The following PRKCA variants were observed in gnomAD, a reference collection of about 807,000 sequenced individuals.
PRKCA encodes protein kinase C alpha, also known as protein kinase C alpha type.
In PRKCA, 27 loss-of-function variants were observed where a neutral mutation model predicts 87.0. The ratio of observed to expected loss-of-function variants is 0.31; its 90% CI spans 0.23 to 0.43. The LOEUF is 0.43. Ranked by LOEUF, PRKCA falls within the 20% of genes least tolerant of loss-of-function variation. The pLI is 1.00. For synonymous variants in PRKCA, 329 were observed against 311.1 expected (o/e 1.06, Z -0.61); for missense variants, 518 against 852.3 (o/e 0.61, Z 4.88).
intron 3 of PRKCA, among the ~76,000 whole-genome samples, chr17:66,595,481 A>ATTTTTTTTTTT (rs1969947107): frequency 1.7e-4 from 8 of 47,982 alleles, no homozygotes; most frequent in Admixed American, 1.2e-3. Context: ...TTTTTTTTTG[A>ATTTTTTTTTTT]GACAGTCTTG....
At chr17:66,554,790 T>C (rs1598764459) in intron 3 of PRKCA, among the ~76,000 whole-genome samples, 1 of 152,318 alleles carries the variant, frequency 6.6e-6, no homozygotes, top group East Asian at 1.9e-4. Flanking sequence ...GTTGGGATTA[T>C]CTGTTGCCTC....
chr17:66,517,887 T>G (rs1319962446), intron 3 of PRKCA, among the ~76,000 whole-genome samples: 2 of 152,224 alleles, frequency 1.3e-5, no homozygotes, highest in African/African-American at 2.4e-5. Flanking sequence ...TCTGTGTTGA[T>G]GACCATAACG....
chr17:66,730,826 C>G (rs961302736), intron 8 of PRKCA, among the ~76,000 whole-genome samples: 2 of 152,186 alleles, frequency 1.3e-5, no homozygotes, highest in Non-Finnish European at 2.9e-5. Context: ...CAAGAGAGCA[C>G]AAGGGGGCTC....
chr17:66,503,563 C>T (rs920372761), intron 3 of PRKCA, among the ~76,000 whole-genome samples: 2 of 152,170 alleles, frequency 1.3e-5, no homozygotes, highest in Non-Finnish European at 2.9e-5. Flanking sequence ...AAGCTAAAAA[C>T]GGAACCTATT....
intron 16 of PRKCA, among the ~76,000 whole-genome samples, chr17:66,790,568 G>A (rs9913128): frequency 0.084 from 12,787 of 151,950 alleles, 792 homozygotes; most frequent in East Asian, 0.18. Flanking sequence ...TTTATTTGTT[G>A]TCTTAAAATA....
At chr17:66,646,456 G>A (rs1308249403) in intron 5 of PRKCA, among the ~76,000 whole-genome samples, 1 of 208 alleles carries the variant, frequency 4.8e-3, no homozygotes, top group Non-Finnish European at 0.013. Flanking sequence ...CTATTTCCTT[G>A]CACTTGGGGT....
chr17:66,459,244 G>A (rs191178285), intron 2 of PRKCA, among the ~76,000 whole-genome samples: 2 of 151,968 alleles, frequency 1.3e-5, no homozygotes, highest in East Asian at 3.9e-4. Flanking sequence ...AGCTGGAGGT[G>A]GTGGTACACA....
intron 3 of PRKCA, among the ~76,000 whole-genome samples, chr17:66,605,294 A>AC (rs1567926602): frequency 6.6e-6 from 1 of 152,188 alleles, no homozygotes; most frequent in Non-Finnish European, 1.5e-5. Flanking sequence ...TCATAAGTGG[A>AC]CCCATGAGAC....
intron 5 of PRKCA, chr17:66,677,161 C>A (rs1972359741): frequency 6.6e-6 from 1 of 151,176 alleles, no homozygotes; most frequent in Non-Finnish European, 1.5e-5. Flanking sequence ...CTCACTGAAA[C>A]CTCTGGCTCC....
intron 3 of PRKCA, among the ~76,000 whole-genome samples, chr17:66,535,197 G>C (rs1967731967): frequency 6.6e-6 from 1 of 152,178 alleles, no homozygotes; most frequent in Admixed American, 6.5e-5. Flanking sequence ...CCTGCGTTGT[G>C]ATTTGTGAAT....
chr17:66,518,014 G>C (rs1046642116), intron 3 of PRKCA, among the ~76,000 whole-genome samples: 1 of 151,914 alleles, frequency 6.6e-6, no homozygotes, highest in Non-Finnish European at 1.5e-5. Flanking sequence ...AAATAACTTG[G>C]TACACATGTA....
At chr17:66,587,586 T>C (rs1230629980) in intron 3 of PRKCA, among the ~76,000 whole-genome samples, 1 of 151,554 alleles carries the variant, frequency 6.6e-6, no homozygotes, top group East Asian at 1.9e-4. Flanking sequence ...TATAGATAGA[T>C]AGACAGATAG....
At chr17:66,477,206 C>T (rs542467114) in intron 2 of PRKCA, among the ~76,000 whole-genome samples, 5 of 152,098 alleles carry the variant, frequency 3.3e-5, no homozygotes, top group African/African-American at 9.6e-5. Context: ...TAGCACAAAG[C>T]GAAACCCACA....
At chr17:66,341,875 G>A (rs189780997) in intron 2 of PRKCA, among the ~76,000 whole-genome samples, 11 of 152,270 alleles carry the variant, frequency 7.2e-5, no homozygotes, top group African/African-American at 2.6e-4. Flanking sequence ...TTATAAAATT[G>A]TGATAAAGAT....
chr17:66,362,820 G>A (rs1908474088), intron 2 of PRKCA, among the ~76,000 whole-genome samples: 2 of 151,998 alleles, frequency 1.3e-5, no homozygotes, highest in African/African-American at 2.4e-5. Context: ...TCAGTCAGCC[G>A]AGTAGTTGGG....
chr17:66,520,116 A>G (rs1469839002), intron 3 of PRKCA, among the ~76,000 whole-genome samples: 12 of 144,320 alleles, frequency 8.3e-5, no homozygotes, highest in Non-Finnish European at 1.8e-4. Context: ...CATGCCATCC[A>G]CACTAATAAT....
intron 5 of PRKCA, among the ~76,000 whole-genome samples, chr17:66,681,010 C>T (rs111531477): frequency 0.031 from 4,684 of 152,272 alleles, 224 homozygotes; most frequent in African/African-American, 0.1. Flanking sequence ...GGGTGGATCA[C>T]TTGAGGTCGG....
At chr17:66,438,881 C>A (rs1367776129) in intron 2 of PRKCA, among the ~76,000 whole-genome samples, 4 of 152,262 alleles carry the variant, frequency 2.6e-5, no homozygotes, top group African/African-American at 9.6e-5. Context: ...ATTATCTCTG[C>A]CTAGTCCCTC....
chr17:66,461,314 A>G (rs1718604213), intron 2 of PRKCA, among the ~76,000 whole-genome samples: 1 of 152,158 alleles, frequency 6.6e-6, no homozygotes, highest in African/African-American at 2.4e-5. Context: ...CTGTATGTAA[A>G]AAAACCTGTT....
Sources: gnomAD v4.1 joint callset for allele counts (sites outside exome capture counted in the v4.1 genomes callset) on GRCh38, gnomAD v4.1.1 for gene constraint, MANE v1.5 for transcripts, NCBI Gene and HGNC (gene_info 2026-07-23, HGNC 2026-07-21) for gene names.